NUP133: variants seen among roughly 807,000 people sequenced by gnomAD.
NUP133 encodes nucleoporin 133, also known as nuclear pore complex protein Nup133.
NUP133 carries 66 observed loss-of-function variants against 146.2 expected under a neutral mutation model. The ratio of observed to expected loss-of-function variants is 0.45; its 90% confidence interval spans 0.37 to 0.55. The LOEUF (loss-of-function observed/expected upper bound fraction) is 0.55, where lower values mean the gene tolerates loss of function less well. NUP133 is among the 20% of genes least tolerant of loss of function. NUP133 has a pLI of 0.00. For synonymous variants in NUP133, 521 were observed against 498.8 expected, an observed-to-expected ratio of 1.04 and a Z score of -0.59; for missense variants, 1,277 against 1,374.8, an observed-to-expected ratio of 0.93 and a Z score of 1.12.
intron 21 of NUP133, among the ~76,000 whole-genome samples, chr1:229,456,729 T>C (rs1037996818): frequency 6.9e-6 from 1 of 145,362 alleles, no homozygotes; most frequent in African/African-American, 2.7e-5. Flanking sequence ...AAAATGTATA[T>C]ATATGTGTAT....
intron 22 of NUP133, among the ~76,000 whole-genome samples, chr1:229,451,456 T>C (rs1660447786): frequency 1.3e-5 from 2 of 152,148 alleles, no homozygotes; most frequent in Non-Finnish European, 1.5e-5. Flanking sequence ...TATATTCACT[T>C]AATAAAAAAA....
Position 229,441,869 on chromosome 1 carries a change from C to A in NUP133, c.*35G>T. On this transcript the variant is annotated 3_prime_UTR_variant, in exon 26 of 26. Transcript: ENST00000261396. The stretch of plus-strand genomic sequence containing the variant: ...AAATTTGTATAAGGACACACTTATA[C>A]AGATTTCATAAACAATGGCCATTTT... 6.6e-7 allele frequency: 1 copy of A among 1,519,602 alleles called. No homozygotes were observed. The highest frequency in any genetic ancestry group is 1.3e-5 in the South Asian group (1 of 77,772). 94.1% of individuals were successfully genotyped at this position (1,519,602 alleles called of 1,614,324 possible). A position where few individuals can be genotyped will look rare whatever the true frequency, so the allele number is the denominator to read the frequency against.
Position 229,490,084 on chromosome 1 carries a change from CA to C in NUP133, c.1064del (p.Leu355TrpfsTer18). On this transcript the variant is annotated frameshift_variant, in exon 9 of 26. Transcript: ENST00000261396. LOFTEE classifies it high-confidence loss of function. ...LKQNCDGLVI[L>X]AAAWHSADNP... ...TGTCTGCTGAGTGCCATGCTGCTGC[CA>C]AAATCACCAGCCCATCACTAATCAA... 4 of 1,589,094 alleles carry C rather than the reference CA, an allele frequency of 2.5e-6. No individual in the cohort carries two copies. The highest frequency in any genetic ancestry group is 2.6e-6 in the Non-Finnish European group (3 of 1,163,682).
intron 5 of NUP133, among the ~76,000 whole-genome samples, chr1:229,498,965 C>A (rs1030284497): frequency 6.6e-6 from 1 of 152,092 alleles, no homozygotes; most frequent in African/African-American, 2.4e-5. Flanking sequence ...GTGGTGAGAT[C>A]ATAGTTCACT....
chr1:229,484,048 T>C lies in NUP133; in HGVS notation c.1592+6A>G. ...AATAATCCATAATTTAAAAAACATGTTATACCTGCAGTATTGCAGAAAGGC... is the reference window on the plus strand; with the variant it reads ...AATAATCCATAATTTAAAAAACATGCTATACCTGCAGTATTGCAGAAAGGC... On this transcript the variant is annotated splice_donor_region_variant and intron_variant, in intron 12 of 25. Transcript: ENST00000261396. 1 of 1,584,042 alleles carries C rather than the reference T, an allele frequency of 6.3e-7. No individual in the cohort carries two copies.
intron 12 of NUP133, among the ~76,000 whole-genome samples, chr1:229,480,768 C>A (rs995511451): frequency 6.6e-6 from 1 of 152,010 alleles, no homozygotes; most frequent in Non-Finnish European, 1.5e-5. Flanking sequence ...CTCACTACAA[C>A]CTCCGCCACC....
In NUP133 at chr1:229,498,321, T is replaced by C; in HGVS notation, c.649-15A>G. On this transcript the variant is annotated splice_polypyrimidine_tract_variant and intron_variant, in intron 5 of 25. Transcript: ENST00000261396. ...AAACTTCCTCCCTGTGAAAAAACAT[T>C]ATGAGGTTAGTTCAGTTTAGCATCG... is the stretch of plus-strand genomic sequence containing the variant. 1 of 1,561,382 alleles carries C rather than the reference T, an allele frequency of 6.4e-7. No homozygotes were observed. The highest frequency in any genetic ancestry group is 8.6e-7 in the Non-Finnish European group (1 of 1,159,458).
chr1:229,478,392 G>A (rs1174605136), intron 12 of NUP133, among the ~76,000 whole-genome samples: 2 of 151,956 alleles, frequency 1.3e-5, no homozygotes, highest in African/African-American at 4.8e-5. Context: ...GATAAACACC[G>A]AGAGAGACAG....
intron 4 of NUP133, among the ~76,000 whole-genome samples, chr1:229,500,551 C>CA (rs1661770862): frequency 6.6e-6 from 1 of 152,114 alleles, no homozygotes; most frequent in Non-Finnish European, 1.5e-5. Context: ...CATCAAAGAC[C>CA]AAATGGGTGC....
In NUP133 at chr1:229,490,077, C is replaced by T. The variant is rs764772248; in HGVS notation, c.1072G>A (p.Ala358Thr). 6.3e-7 allele frequency: 1 copy of T among 1,594,620 alleles called. No homozygotes were observed. Among genetic ancestry groups the T allele is most frequent in the Admixed American group, 1.7e-5 (1 of 58,800 alleles). ...CATGGATTGTCTGCTGAGTGCCATG[C>T]TGCTGCCAAAATCACCAGCCCATCA... Reference protein sequence around the residue: ...NCDGLVILAAAWHSADNPCLI... With the variant: ...NCDGLVILAATWHSADNPCLI... The change falls in exon 9 of 26, where the codon GCA becomes ACA. Residue 358 changes from alanine (A) to threonine (T), a missense_variant. Physicochemically the swap from Ala to Thr is moderately conservative, Grantham distance 58 (BLOSUM62 0). Around this residue, in one of 3 missense-constraint regions of NUP133, gnomAD observed 952 missense variants for 1,047.0 expected, o/e 0.91. Transcript: ENST00000261396.
intron 18 of NUP133, among the ~76,000 whole-genome samples, chr1:229,464,226 T>C (rs960808044): frequency 6.6e-6 from 1 of 152,002 alleles, no homozygotes; most frequent in Non-Finnish European, 1.5e-5. Context: ...CATGTAAGAG[T>C]AAAGCAAACT....
chr1:229,470,497 C>T lies in NUP133; in HGVS notation c.2076+83G>A, dbSNP rs1372384617. 7.1e-6 allele frequency: 8 copies of T among 1,120,608 alleles called. No individual in the cohort carries two copies. In the East Asian group the frequency reaches 1.2e-4, roughly 17 times the overall value. 69.4% of individuals were successfully genotyped at this position (1,120,608 alleles called of 1,614,324 possible). ...CAGTGAGATCTTTTGTGATTTAACT[C>T]GTCCTCACCGTCTTTCCTGCCTAGG... On this transcript the variant is annotated intron_variant, in intron 15 of 25. Coordinates refer to ENST00000261396, the MANE Select transcript of NUP133 (RefSeq NM_018230.3).
chr1:229,453,091 A>T (rs1469254259), intron 21 of NUP133, among the ~76,000 whole-genome samples: 1 of 152,066 alleles, frequency 6.6e-6, no homozygotes, highest in East Asian at 1.9e-4. Context: ...TGCTGTCAAA[A>T]ATCCCAGCAT....
intron 22 of NUP133, among the ~76,000 whole-genome samples, chr1:229,451,478 G>A (rs1158385615): frequency 6.6e-6 from 1 of 152,114 alleles, no homozygotes; most frequent in African/African-American, 2.4e-5. Context: ...ACATCAACAT[G>A]TTACCAACAC....
At chr1:229,452,416 GT>G (rs751262676) in intron 22 of NUP133, 108 bp downstream of exon 22, 64 of 723,666 alleles carry the variant, frequency 8.8e-5, no homozygotes, top group Non-Finnish European at 1.2e-4. Context: ...TTTCTGGAAG[GT>G]AGGCAGTAGA....
rs986051527 is a variant in NUP133 at position 229,484,142 on chromosome 1, T to C, written c.1504A>G (p.Met502Val). 7 of 1,608,022 alleles carry C rather than the reference T, an allele frequency of 4.4e-6. No individual in the cohort carries two copies. Among genetic ancestry groups the C allele is most frequent in the African/African-American group, 4.0e-5 (3 of 74,772 alleles). The change falls in exon 12 of 26, where the codon ATG (methionine) becomes GTG (valine). Residue 502 changes from methionine to valine, a missense_variant. Physicochemically the swap from Met to Val is conservative, Grantham distance 21 (BLOSUM62 1). This residue lies in a region of NUP133 where 952 missense variants were observed against 1,047.0 expected (regional missense o/e 0.91). Coordinates refer to ENST00000261396, the MANE Select transcript of NUP133 (RefSeq NM_018230.3). ...SSVAGPNSES[M>V]IFETTTKNET... is the part of the protein sequence containing the mutation. ...TTCTTTGTAGTGGTCTCAAAAATCATACTCTGCAAAATAACAAAGTATAGT... is the reference window on the plus strand; with the variant it reads ...TTCTTTGTAGTGGTCTCAAAAATCACACTCTGCAAAATAACAAAGTATAGT...
At position 229,444,950 on chromosome 1, in the gene NUP133, T is replaced by C; in HGVS notation, c.3298A>G (p.Ile1100Val). ...AGTTTCTGTAAGATCTTCACAAATA[T>C]ACTGTCTTTAGATACTTCAATTGGA... ...DDPIEVSKDSIFVKILQKLLK... is the reference protein window; with the variant it reads ...DDPIEVSKDSVFVKILQKLLK... The change falls in exon 25 of 26, where the codon ATA becomes GTA. Residue 1100 changes from isoleucine (I) to valine (V), a missense_variant. Coordinates refer to ENST00000261396, the MANE Select transcript of NUP133 (RefSeq NM_018230.3). 6.2e-7 allele frequency: 1 copy of C among 1,612,306 alleles called. No homozygotes were observed. Among genetic ancestry groups the C allele is most frequent in the Non-Finnish European group, 8.5e-7 (1 of 1,178,888 alleles).
At chr1:229,507,048 G>A (rs1359922325) in intron 1 of NUP133, among the ~76,000 whole-genome samples, 1 of 152,080 alleles carries the variant, frequency 6.6e-6, no homozygotes, top group Non-Finnish European at 1.5e-5. Flanking sequence ...AAGGGCTAAG[G>A]GCTTTGTTTC....
intron 1 of NUP133, chr1:229,507,788 T>C: frequency 2.9e-6 from 1 of 345,400 alleles, no homozygotes; most frequent in Non-Finnish European, 4.1e-6. Context: ...ATCACACGGG[T>C]AGTAGGTGGG....
Sources: allele counts gnomAD v4.1 joint callset (sites outside exome capture counted in the v4.1 genomes callset), GRCh38; gene constraint gnomAD v4.1.1; regional missense constraint gnomAD v4.1.1; transcripts MANE v1.5; gene names NCBI Gene and HGNC (gene_info 2026-07-23, HGNC 2026-07-21).